The following PMAIP1 variants were observed in gnomAD, a reference collection of about 807,000 sequenced individuals.
PMAIP1 encodes PMA-induced protein 1.
PMAIP1 carries 3 observed loss-of-function variants against 3.7 expected under a neutral mutation model. The ratio of observed to expected loss-of-function variants is 0.82; its 90% CI spans 0.37 to 2.12. PMAIP1 has a LOEUF of 2.12. Ranked by LOEUF, PMAIP1 falls within the 30% of genes most tolerant of loss-of-function variation. The pLI, the probability that PMAIP1 is intolerant of heterozygous loss-of-function variation, is 0.06. For synonymous variants in PMAIP1, 29 were observed against 26.2 expected (o/e 1.11, Z -0.32); for missense variants, 77 against 67.1 (o/e 1.15, Z -0.52).
intron 1 of PMAIP1, 146 bp downstream of exon 1, chr18:59,900,381 C>G (rs915979204): frequency 6.5e-7 from 1 of 1,546,228 alleles, no homozygotes; most frequent in Non-Finnish European, 8.7e-7. Flanking sequence ...TGCCCTGGCG[C>G]GAGCCTTAGG....
At position 59,900,246 on chromosome 18, in the gene PMAIP1, G is replaced by C. The variant is rs1235185064; in HGVS notation, c.58+11G>C. ...CGCGGGCTCCAGCAGGTACCGACCC[G>C]CTGGGGCCAGCGAAGACCCAGGCCG... On this transcript the variant is annotated intron_variant, in intron 1 of 1. Transcript: ENST00000316660. 9 of 1,543,158 alleles carry C rather than the reference G, an allele frequency of 5.8e-6. No homozygotes were observed. The highest frequency in any genetic ancestry group is 7.0e-6 in the Non-Finnish European group (8 of 1,146,040).
Position 59,900,190 on chromosome 18 carries a change from A to T in PMAIP1, c.13A>T (p.Lys5Ter). Reference sequence around the variant, plus strand: ...GGCACCGGCGGAGATGCCTGGGAAGAAGGCGCGCAAGAACGCTCAACCGAG... The same window carrying T: ...GGCACCGGCGGAGATGCCTGGGAAGTAGGCGCGCAAGAACGCTCAACCGAG... MPGK[K>*]ARKNAQPSPA... is the part of the protein sequence containing the mutation. Residue 5 changes from lysine (K) to a stop codon, truncating the protein, a stop_gained, in exon 1 of 2, where the codon AAG becomes TAG. Transcript: ENST00000316660. LOFTEE classifies it low-confidence loss of function (END_TRUNC). 1 of 1,559,300 alleles carries T rather than the reference A, an allele frequency of 6.4e-7. No homozygotes were observed. Among genetic ancestry groups the T allele is most frequent in the Non-Finnish European group, 8.7e-7 (1 of 1,155,448 alleles).
intron 1 of PMAIP1, among the ~76,000 whole-genome samples, chr18:59,901,239 A>G (rs1348674363): frequency 2.6e-5 from 4 of 152,202 alleles, no homozygotes; most frequent in Non-Finnish European, 5.9e-5. Flanking sequence ...ATACTAATAC[A>G]TTTATAGGTG....
At chr18:59,900,697 A>G (rs920892000) in intron 1 of PMAIP1, 3 of 1,030,774 alleles carry the variant, frequency 2.9e-6, no homozygotes, top group Non-Finnish European at 4.2e-6. Flanking sequence ...CCCTGTGTTC[A>G]GGAGCCTAGA....
At position 59,903,383 on chromosome 18, in the gene PMAIP1, G is replaced by A. The variant is rs2055787493; in HGVS notation, c.*630G>A. ...ATGATCTTTCATTCAATGTGTTCCTGTTGGGCGTTACTAGAAACTATGGAA... is the reference window on the plus strand; with the variant it reads ...ATGATCTTTCATTCAATGTGTTCCTATTGGGCGTTACTAGAAACTATGGAA... On this transcript the variant is annotated 3_prime_UTR_variant, in exon 2 of 2. Coordinates refer to ENST00000316660, the MANE Select transcript of PMAIP1 (RefSeq NM_021127.3). The A allele has an allele frequency of 6.5e-6, 1 of 153,510 alleles. No individual in the cohort carries two copies. The highest frequency in any genetic ancestry group is 1.5e-5 in the Non-Finnish European group (1 of 68,702). 9.5% of individuals were successfully genotyped at this position (153,510 alleles called of 1,614,324 possible). A position where few individuals can be genotyped will look rare whatever the true frequency, so the allele number is the denominator to read the frequency against.
rs779300659 is a variant in PMAIP1 at position 59,902,702 on chromosome 18, C to G, written c.114C>G (p.Phe38Leu). 1.9e-6 allele frequency: 3 copies of G among 1,614,140 alleles called. No individual in the cohort carries two copies. Among genetic ancestry groups the G allele is most frequent in the African/African-American group, 1.3e-5 (1 of 75,050 alleles). The part of the protein sequence containing the change: ...QLRRFGDKLN[F>L]RQKLLNLISK... ...GGAGATTTGGAGACAAACTGAACTT[C>G]CGGCAGAAACTTCTGAATCTGATAT... is the stretch of plus-strand genomic sequence containing the variant. Residue 38 changes from phenylalanine to leucine, a missense_variant, in exon 2 of 2, where the codon TTC (phenylalanine) becomes TTG (leucine). By Grantham distance (22) the Phe-to-Leu change is conservative. Coordinates refer to ENST00000316660, the MANE Select transcript of PMAIP1 (RefSeq NM_021127.3).
In PMAIP1 at chr18:59,903,261, A is replaced by G. The variant is rs968096940; in HGVS notation, c.*508A>G. On this transcript the variant is annotated 3_prime_UTR_variant, in exon 2 of 2. Coordinates refer to ENST00000316660, the MANE Select transcript of PMAIP1 (RefSeq NM_021127.3). ...TTATAATGAAAAAACTCATTCTGAGAACACTGAAATGTTATACTCAGTGTT... is the reference window on the plus strand; with the variant it reads ...TTATAATGAAAAAACTCATTCTGAGGACACTGAAATGTTATACTCAGTGTT... The G allele has an allele frequency of 4.8e-5, 9 of 187,056 alleles. No homozygotes were observed. Among genetic ancestry groups the G allele is most frequent in the African/African-American group, 1.2e-4 (5 of 42,278 alleles). The allele number at this position is 187,056 out of a possible 1,614,324, so 11.6% of individuals were successfully genotyped here.
At chr18:59,900,307 G>T in intron 1 of PMAIP1, 72 bp downstream of exon 1, 2 of 1,516,596 alleles carry the variant, frequency 1.3e-6, no homozygotes, top group Non-Finnish European at 1.8e-6. Context: ...TCTCGGCTGG[G>T]GCGGGCTCAG....
chr18:59,900,656 C>A, intron 1 of PMAIP1: 1 of 1,468,768 alleles, frequency 6.8e-7, no homozygotes. Flanking sequence ...GCCTGGACTC[C>A]CAGCGCTTCC....
intron 1 of PMAIP1, 181 bp downstream of exon 1, chr18:59,900,416 G>GT (rs1276969419): frequency 1.9e-6 from 3 of 1,550,186 alleles, no homozygotes; most frequent in African/African-American, 1.4e-5. Context: ...GTTCTTCGGG[G>GT]TTTTTCCCCA....
At chr18:59,901,085 A>AG (rs2055764550) in intron 1 of PMAIP1, among the ~76,000 whole-genome samples, 1 of 152,134 alleles carries the variant, frequency 6.6e-6, no homozygotes, top group African/African-American at 2.4e-5. Context: ...GGATGGAAAA[A>AG]GCTTTGTCTA....
chr18:59,900,581 A>G (rs1194412448), intron 1 of PMAIP1: 6 of 1,550,330 alleles, frequency 3.9e-6, no homozygotes, highest in African/African-American at 1.4e-5. Context: ...GTGCAAGTGT[A>G]GGCGGCTGTC....
rs1387217464 is a variant in PMAIP1 at position 59,904,024 on chromosome 18, G to GT, written c.*1272dup. 1.3e-5 allele frequency: 2 copies of GT among 152,046 alleles called. No individual in the cohort carries two copies. Among genetic ancestry groups the GT allele is most frequent in the South Asian group, 2.1e-4 (1 of 4,820 alleles). The allele number at this position is 152,046 out of a possible 1,614,324, so 9.4% of individuals were successfully genotyped here. A position where few individuals can be genotyped will look rare whatever the true frequency, so the allele number is the denominator to read the frequency against. ...GTATTTTTCTTTAGTTTGAAAATGTGTATTAAAGTTACATTTTTGAGTTAC... is the reference window on the plus strand; with the variant it reads ...GTATTTTTCTTTAGTTTGAAAATGTGTTATTAAAGTTACATTTTTGAGTTAC... On this transcript the variant is annotated 3_prime_UTR_variant, in exon 2 of 2. Transcript: ENST00000316660.
chr18:59,900,660 C>A, intron 1 of PMAIP1: 1 of 1,463,052 alleles, frequency 6.8e-7, no homozygotes, highest in Non-Finnish European at 9.2e-7. Flanking sequence ...GGACTCCCAG[C>A]GCTTCCAGAG....
chr18:59,900,321 G>A, intron 1 of PMAIP1, 86 bp downstream of exon 1: 1 of 1,511,210 alleles, frequency 6.6e-7, no homozygotes, highest in Non-Finnish European at 8.8e-7. Context: ...GGCTCAGCTC[G>A]CCGGGGCTCA....
chr18:59,900,378 G>A (rs1372020871), intron 1 of PMAIP1, 143 bp downstream of exon 1: 1 of 1,545,666 alleles, frequency 6.5e-7, no homozygotes, highest in Admixed American at 2.0e-5. Flanking sequence ...CTGTGCCCTG[G>A]CGCGAGCCTT....
rs2055784991 is a variant in PMAIP1 at position 59,903,095 on chromosome 18, TGAAGGG to T, written c.*343_*348del. On this transcript the variant is annotated 3_prime_UTR_variant, in exon 2 of 2. Coordinates refer to ENST00000316660, the MANE Select transcript of PMAIP1 (RefSeq NM_021127.3). Reference sequence around the variant, plus strand: ...GCCGAAGATTACCGCTGGCCTACTGTGAAGGGAGATGACCTGTGATTAGACTGGGCG... The same window carrying T: ...GCCGAAGATTACCGCTGGCCTACTGTAGATGACCTGTGATTAGACTGGGCG... The T allele has an allele frequency of 1.8e-6, 1 of 549,816 alleles. No homozygotes were observed. The highest frequency in any genetic ancestry group is 3.2e-6 in the Non-Finnish European group (1 of 307,938). The allele number at this position is 549,816 out of a possible 1,614,324, so 34.1% of individuals were successfully genotyped here. A position where few individuals can be genotyped will look rare whatever the true frequency, so the allele number is the denominator to read the frequency against.
chr18:59,902,614 A>T lies in PMAIP1; in HGVS notation c.59-33A>T, dbSNP rs201313419. The T allele has an allele frequency of 4.4e-6, 7 of 1,576,118 alleles. No individual in the cohort carries two copies. The African/African-American group carries it at 9.4e-5, about 21-fold the overall frequency. Reference sequence around the variant, plus strand: ...CTGGTTACAGTCTGTAATATCATCAATGTTCATGTCCATGTTTTGCTTTCC... The same window carrying T: ...CTGGTTACAGTCTGTAATATCATCATTGTTCATGTCCATGTTTTGCTTTCC... On this transcript the variant is annotated intron_variant, in intron 1 of 1. Coordinates refer to ENST00000316660, the MANE Select transcript of PMAIP1 (RefSeq NM_021127.3).
Position 59,900,522 on chromosome 18 carries a change from C to T in PMAIP1, c.58+287C>T, listed in dbSNP as rs566281298. 4 of 1,550,536 alleles carry T rather than the reference C, an allele frequency of 2.6e-6. No homozygotes were observed. The South Asian group carries it at 4.8e-5, about 18-fold the overall frequency. ...CCAGGGGCAAAAAGCTCCTTTCCTCCTCTCTTTCCTCCTCGCCACTTGCCC... is the reference window on the plus strand; with the variant it reads ...CCAGGGGCAAAAAGCTCCTTTCCTCTTCTCTTTCCTCCTCGCCACTTGCCC... On this transcript the variant is annotated intron_variant, in intron 1 of 1. Transcript: ENST00000316660.
Sources: gnomAD v4.1 joint callset for allele counts (sites outside exome capture counted in the v4.1 genomes callset) on GRCh38, gnomAD v4.1.1 for gene constraint, MANE v1.5 for transcripts, NCBI Gene and HGNC (gene_info 2026-07-23, HGNC 2026-07-21) for gene names.